FRMD4A: variants seen among roughly 807,000 people sequenced by gnomAD.
FRMD4A encodes FERM domain-containing protein 4A.
In FRMD4A, 29 loss-of-function variants were observed where a neutral mutation model predicts 129.1. That is an observed-to-expected ratio of 0.22 (90% CI 0.17 to 0.31). FRMD4A has a LOEUF of 0.31. FRMD4A is among the 10% of genes least tolerant of loss of function. The probability of loss-of-function intolerance (pLI) is 1.00; values close to 1 mark genes in which losing one functional copy is unlikely to be tolerated. For missense variants in FRMD4A, 1,272 were observed against 1,375.8 expected, an observed-to-expected ratio of 0.92 and a Z score of 1.19; for synonymous variants, 634 against 571.6, an observed-to-expected ratio of 1.11 and a Z score of -1.56.
intron 2 of FRMD4A, among the ~76,000 whole-genome samples, chr10:14,238,145 T>A (rs571119500): frequency 1.3e-5 from 2 of 152,344 alleles, no homozygotes; most frequent in South Asian, 4.1e-4. Flanking sequence ...TTCTCTATCA[T>A]CTATTGCCAA....
chr10:13,659,384 A>T lies in FRMD4A; in HGVS notation c.2005T>A (p.Ser669Thr), dbSNP rs1183918284. 4 of 1,614,016 alleles carry T rather than the reference A, an allele frequency of 2.5e-6. No individual in the cohort carries two copies. The highest frequency in any genetic ancestry group is 3.4e-6 in the Non-Finnish European group (4 of 1,179,994). ...IRGLPHWNSQ[S>T]SMPSTPDLRV... The stretch of plus-strand genomic sequence containing the variant: ...AGGTCTGGCGTGGACGGCATGCTGG[A>T]CTGGGAGTTCCAGTGCGGGAGGCCG... Residue 669 changes from serine to threonine, a missense_variant, in exon 21 of 25, where the codon TCC (serine) becomes ACC (threonine). Physicochemically the swap from Ser to Thr is moderately conservative, Grantham distance 58 (BLOSUM62 1). Around this residue, in one of 2 missense-constraint regions of FRMD4A, gnomAD observed 972 missense variants for 892.3 expected, o/e 1.09. Transcript: ENST00000357447.
At chr10:13,955,687 C>G (rs1016408278) in intron 2 of FRMD4A, among the ~76,000 whole-genome samples, 2 of 152,172 alleles carry the variant, frequency 1.3e-5, no homozygotes, top group Non-Finnish European at 2.9e-5. Context: ...AGCTTATTTG[C>G]CAACGTGGAG....
At chr10:13,666,911 CTTTTT>C (rs10546068) in intron 17 of FRMD4A, among the ~76,000 whole-genome samples, 7 of 114,382 alleles carry the variant, frequency 6.1e-5, no homozygotes, top group South Asian at 5.9e-4. Flanking sequence ...CTTTTCTTTT[CTTTTT>C]TTTTTTTTTT....
At chr10:14,279,151 A>G (rs914931732) in intron 2 of FRMD4A, among the ~76,000 whole-genome samples, 15 of 151,634 alleles carry the variant, frequency 9.9e-5, no homozygotes, top group African/African-American at 3.1e-4. Context: ...CTTATTATCA[A>G]AGTAAACTAT....
In FRMD4A at chr10:13,644,000, T is replaced by C. The variant is rs2080967069; in HGVS notation, c.*3038A>G. On this transcript the variant is annotated 3_prime_UTR_variant, in exon 25 of 25. Coordinates refer to ENST00000357447, the MANE Select transcript of FRMD4A (RefSeq NM_018027.5). Reference sequence around the variant, plus strand: ...GTAATAAACTATTGACATTAATGTATATGTAAAACTTTACACCTAGTTAAC... The same window carrying C: ...GTAATAAACTATTGACATTAATGTACATGTAAAACTTTACACCTAGTTAAC... 1 of 152,662 alleles carries C rather than the reference T, an allele frequency of 6.6e-6. No individual in the cohort carries two copies. Among genetic ancestry groups the C allele is most frequent in the Non-Finnish European group, 1.5e-5 (1 of 68,048 alleles). 9.5% of individuals were successfully genotyped at this position (152,662 alleles called of 1,614,324 possible).
chr10:14,254,149 T>C (rs1446553090), intron 2 of FRMD4A, among the ~76,000 whole-genome samples: 1 of 152,154 alleles, frequency 6.6e-6, no homozygotes, highest in East Asian at 1.9e-4. Context: ...CAATCAGCAT[T>C]TCACCCCTAG....
chr10:13,776,027 C>A (rs760698962), intron 6 of FRMD4A, among the ~76,000 whole-genome samples: 1 of 152,068 alleles, frequency 6.6e-6, no homozygotes, highest in Admixed American at 6.5e-5. Context: ...GGCTTTAAGC[C>A]AGAATTATGC....
At chr10:13,722,438 GTCTC>G (rs2089511024) in intron 12 of FRMD4A, among the ~76,000 whole-genome samples, 1 of 150,880 alleles carries the variant, frequency 6.6e-6, no homozygotes, top group African/African-American at 2.4e-5. Context: ...AGAGTCGAGG[GTCTC>G]TCTATGTTGT....
chr10:13,985,074 C>T (rs1265258553), intron 2 of FRMD4A, among the ~76,000 whole-genome samples: 2 of 152,234 alleles, frequency 1.3e-5, no homozygotes, highest in South Asian at 4.1e-4. Flanking sequence ...ATGAGCCCTG[C>T]TGGTGTGGGC....
rs73593005 is a variant in FRMD4A at position 13,767,767 on chromosome 10, G to A, written c.385-5087C>T. On this transcript the variant is annotated intron_variant, in intron 6 of 24. Coordinates refer to ENST00000357447, the MANE Select transcript of FRMD4A (RefSeq NM_018027.5). ...GGGCTGAGGTGTAACATTCCTCTGC[G>A]CTTATGCAATCCACAGCTCTGCGGT... Among the ~76,000 whole-genome samples the A allele has an allele frequency of 4.6e-3, 702 of 152,282 alleles. 6 individuals are homozygous for A. The highest frequency in any genetic ancestry group is 0.015 in the African/African-American group (603 of 41,556).
chr10:14,286,886 T>A (rs1362652614), intron 2 of FRMD4A, among the ~76,000 whole-genome samples: 1 of 151,888 alleles, frequency 6.6e-6, no homozygotes, highest in Non-Finnish European at 1.5e-5. Flanking sequence ...TATCAAACAT[T>A]AGGAATCTCG....
intron 2 of FRMD4A, among the ~76,000 whole-genome samples, chr10:14,323,542 G>A (rs990960827): frequency 2.0e-5 from 3 of 151,904 alleles, no homozygotes; most frequent in Non-Finnish European, 4.4e-5. Flanking sequence ...ACCTATCATG[G>A]TATACAAGAT....
intron 2 of FRMD4A, among the ~76,000 whole-genome samples, chr10:13,961,323 A>G (rs543946248): frequency 6.6e-6 from 1 of 152,358 alleles, no homozygotes; most frequent in East Asian, 1.9e-4. Context: ...TGATGAGCTC[A>G]TACCCTTGAG....
At chr10:13,998,293 T>A (rs1292648746) in intron 2 of FRMD4A, among the ~76,000 whole-genome samples, 1 of 152,168 alleles carries the variant, frequency 6.6e-6, no homozygotes, top group East Asian at 1.9e-4. Context: ...GTTTGCCAAT[T>A]TCCATGGTGT....
At chr10:13,693,815 C>T (rs1397179072) in intron 15 of FRMD4A, 83 bp downstream of exon 15, 3 of 1,423,708 alleles carry the variant, frequency 2.1e-6, no homozygotes, top group Non-Finnish European at 2.0e-6. Context: ...GTCTCCCCAG[C>T]TGCAGCTCTC....
At chr10:14,315,991 G>A (rs1467497260) in intron 2 of FRMD4A, among the ~76,000 whole-genome samples, 1 of 152,180 alleles carries the variant, frequency 6.6e-6, no homozygotes, top group African/African-American at 2.4e-5. Flanking sequence ...GGTGGGTTGG[G>A]TGCCCTGCTC....
intron 2 of FRMD4A, among the ~76,000 whole-genome samples, chr10:14,076,423 G>C (rs1287472115): frequency 6.6e-6 from 1 of 152,162 alleles, no homozygotes. Context: ...GGTGGATCAT[G>C]AGGTCAGGAG....
chr10:13,814,286 T>G (rs1291367498), intron 3 of FRMD4A, among the ~76,000 whole-genome samples: 3 of 152,164 alleles, frequency 2.0e-5, no homozygotes, highest in Non-Finnish European at 2.9e-5. Context: ...AAGATTTTGT[T>G]CTTTTTGAGA....
chr10:13,912,891 T>C (rs1382529019), intron 2 of FRMD4A, among the ~76,000 whole-genome samples: 1 of 151,774 alleles, frequency 6.6e-6, no homozygotes, highest in Non-Finnish European at 1.5e-5. Context: ...CTGACCAACA[T>C]GGTGAAACCC....
Sources: gnomAD v4.1 joint callset for allele counts (sites outside exome capture counted in the v4.1 genomes callset) on GRCh38, gnomAD v4.1.1 for gene constraint, gnomAD v4.1.1 regional missense constraint, MANE v1.5 for transcripts, NCBI Gene and HGNC (gene_info 2026-07-23, HGNC 2026-07-21) for gene names.